Variants in SNX14 observed in about 807,000 individuals in gnomAD.
The protein encoded by SNX14 is sorting nexin 14, also known as sorting nexin-14.
A neutral mutation model predicts 133.8 loss-of-function variants in SNX14; 93 were observed. The observed-to-expected ratio is 0.70, with a 90% CI of 0.59 to 0.83. SNX14 has a LOEUF of 0.83. Ranked by LOEUF, SNX14 falls within the 40% of genes least tolerant of loss-of-function variation. SNX14 has a pLI of 0.00. For missense variants in SNX14, 945 were observed against 1,094.9 expected (o/e 0.86, Z 1.93); for synonymous variants, 368 against 365.6 (o/e 1.01, Z -0.07).
chr6:85,583,443 G>T (rs1201703412), intron 1 of SNX14, among the ~76,000 whole-genome samples: 1 of 152,180 alleles, frequency 6.6e-6, no homozygotes, highest in Non-Finnish European at 1.5e-5. Flanking sequence ...ATTCAAATAG[G>T]AAGAGAGGAA....
At chr6:85,527,925 C>G (rs1038980734) in intron 20 of SNX14, among the ~76,000 whole-genome samples, 3 of 151,976 alleles carry the variant, frequency 2.0e-5, no homozygotes, top group African/African-American at 7.2e-5. Flanking sequence ...AACAAATATT[C>G]TAAGAATACT....
At position 85,508,002 on chromosome 6, in the gene SNX14, A is replaced by C; in HGVS notation, c.2711T>G (p.Phe904Cys). 1 of 1,613,612 alleles carries C rather than the reference A, an allele frequency of 6.2e-7. No homozygotes were observed. Among genetic ancestry groups the C allele is most frequent in the Non-Finnish European group, 8.5e-7 (1 of 1,179,694 alleles). ...GAGTACTGGTTGCTGTAAGCCATCA[A>C]ACAGAAGTCTGATGCTTTCATACTT... ...ETKYESIRLLFDGLQQPVLNK... is the reference protein window; with the variant it reads ...ETKYESIRLLCDGLQQPVLNK... Residue 904 changes from phenylalanine (F) to cysteine (C), a missense_variant, in exon 27 of 29, where the codon TTT (phenylalanine) becomes TGT (cysteine). Phe to Cys is a radical substitution (Grantham distance 205). Transcript: ENST00000314673.
At chr6:85,549,963 T>C (rs1019537139) in intron 7 of SNX14, 84 bp from the exon 8 acceptor site, 4 of 1,251,820 alleles carry the variant, frequency 3.2e-6, no homozygotes, top group Non-Finnish European at 4.4e-6. Flanking sequence ...TAGAAGAGCA[T>C]GGGCTGGGCG....
intron 7 of SNX14, 114 bp downstream of exon 7, chr6:85,557,862 C>T (rs539838735): frequency 1.1e-4 from 76 of 665,292 alleles, no homozygotes; most frequent in South Asian, 1.1e-3. Flanking sequence ...AGAATACTCT[C>T]GCATCAACTG....
At chr6:85,551,747 G>A (rs1787912788) in intron 7 of SNX14, among the ~76,000 whole-genome samples, 1 of 152,138 alleles carries the variant, frequency 6.6e-6, no homozygotes, top group African/African-American at 2.4e-5. Flanking sequence ...TGGCTTCACT[G>A]GTTAAGCTCT....
intron 7 of SNX14, among the ~76,000 whole-genome samples, chr6:85,551,150 T>C (rs1172370113): frequency 1.3e-5 from 2 of 152,186 alleles, no homozygotes; most frequent in Non-Finnish European, 2.9e-5. Flanking sequence ...TATCAAAATA[T>C]GCCCTCAGCC....
rs920265324 is a variant in SNX14 at position 85,533,725 on chromosome 6, G to C, written c.1684C>G (p.Leu562Val). Residue 562 changes from leucine to valine, a missense_variant, in exon 18 of 29, where the codon CTT becomes GTT. Physicochemically the swap from Leu to Val is conservative, Grantham distance 32 (BLOSUM62 1). Transcript: ENST00000314673. ...AVSTPNTPRN[L>V]AAWKISIPYV... ...GGAATGCTAATTTTCCATGCAGCAA[G>C]GTTTCGGGGAGTATTAGGTGTGCTC... 1 of 1,613,836 alleles carries C rather than the reference G, an allele frequency of 6.2e-7. No individual in the cohort carries two copies. Among genetic ancestry groups the C allele is most frequent in the Non-Finnish European group, 8.5e-7 (1 of 1,180,022 alleles).
intron 7 of SNX14, among the ~76,000 whole-genome samples, chr6:85,552,032 CTTTTTTTTTTTTTT>C (rs71551482): frequency 8.8e-6 from 1 of 114,142 alleles, no homozygotes; most frequent in Non-Finnish European, 1.7e-5. Context: ...TGTTGGGAAT[CTTTTTTTTTTTTTT>C]TTTTTTTTGA....
chr6:85,588,575 C>CTAAATAAATAAATAAATAAATAAATAAA (rs145183684), intron 1 of SNX14, among the ~76,000 whole-genome samples: 40 of 149,058 alleles, frequency 2.7e-4, no homozygotes, highest in Non-Finnish European at 4.7e-4. Context: ...GACTCCGTCT[C>CTAAATAAATAAATAAATAAATAAATAAA]TAAATAAATA....
At chr6:85,512,380 T>G (rs1249830901) in intron 26 of SNX14, among the ~76,000 whole-genome samples, 1 of 152,014 alleles carries the variant, frequency 6.6e-6, no homozygotes, top group Non-Finnish European at 1.5e-5. Context: ...CCAGCACTTT[T>G]GAAGGCCGAG....
At chr6:85,543,971 T>C (rs1784690310) in intron 12 of SNX14, among the ~76,000 whole-genome samples, 1 of 151,964 alleles carries the variant, frequency 6.6e-6, no homozygotes, top group Non-Finnish European at 1.5e-5. Flanking sequence ...ATAGAAAATA[T>C]GTAAATACAT....
Position 85,515,336 on chromosome 6 carries a change from T to C in SNX14, c.2269-707A>G, listed in dbSNP as rs552947531. Among the ~76,000 whole-genome samples, 19 of 129,450 alleles carry C rather than the reference T, an allele frequency of 1.5e-4. No individual in the cohort carries two copies. The Admixed American group carries it at 1.5e-3, about 10-fold the overall frequency. 84.9% of individuals were successfully genotyped at this position (129,450 alleles called of 152,430 possible). ...AAATCACTATAAGTAGAGGTAAAAA[T>C]CCAGCGTTAGGTGAAATTTATTTGG... On this transcript the variant is annotated intron_variant, in intron 23 of 28. Transcript: ENST00000314673.
intron 21 of SNX14, among the ~76,000 whole-genome samples, chr6:85,524,543 A>T (rs1246735284): frequency 6.6e-6 from 1 of 152,142 alleles, no homozygotes; most frequent in African/African-American, 2.4e-5. Context: ...GCACTTTGGG[A>T]GGCCAAGGCA....
At chr6:85,575,703 A>C (rs889848074) in intron 1 of SNX14, among the ~76,000 whole-genome samples, 16 of 152,250 alleles carry the variant, frequency 1.1e-4, no homozygotes, top group African/African-American at 3.9e-4. Context: ...ATGCAGCCAG[A>C]CAAAGGTAGT....
Position 85,543,733 on chromosome 6 carries a change from G to A in SNX14, c.1136C>T (p.Pro379Leu), listed in dbSNP as rs781008386. ...CAGCATTTCATCATTTGATAATTCT[G>A]GTCGTAAAATTCTATCATTAAATTC... The part of the protein sequence containing the change: ...VEEFNDRILR[P>L]ELSNDEMLSL... The change falls in exon 13 of 29, where the codon CCA (proline) becomes CTA (leucine). Residue 379 changes from proline (P) to leucine (L), a missense_variant. Around this residue, in one of 3 missense-constraint regions of SNX14, gnomAD observed 514 missense variants for 538.8 expected, o/e 0.95. Transcript: ENST00000314673. 1 of 1,560,058 alleles carries A rather than the reference G, an allele frequency of 6.4e-7. No individual in the cohort carries two copies. Among genetic ancestry groups the A allele is most frequent in the Admixed American group, 1.8e-5 (1 of 54,828 alleles).
At chr6:85,529,974 T>TA (rs1022178632) in intron 19 of SNX14, among the ~76,000 whole-genome samples, 1 of 152,056 alleles carries the variant, frequency 6.6e-6, no homozygotes, top group African/African-American at 2.4e-5. Flanking sequence ...TGATTTTATT[T>TA]AAAAAAAGCA....
chr6:85,529,347 G>A (rs1208589452), intron 19 of SNX14, among the ~76,000 whole-genome samples: 3 of 151,330 alleles, frequency 2.0e-5, no homozygotes, highest in Non-Finnish European at 2.9e-5. Context: ...ACAAGGAAAC[G>A]AAGGAAGAAA....
intron 19 of SNX14, among the ~76,000 whole-genome samples, chr6:85,528,749 T>C (rs73481353): frequency 0.013 from 1,925 of 152,260 alleles, 38 homozygotes; most frequent in African/African-American, 0.044. Flanking sequence ...GTCAATGCTA[T>C]ATAAATGGCT....
intron 21 of SNX14, among the ~76,000 whole-genome samples, chr6:85,519,493 T>C (rs1031145162): frequency 9.9e-5 from 15 of 152,184 alleles, no homozygotes; most frequent in Non-Finnish European, 1.9e-4. Flanking sequence ...CCAGGTGTGC[T>C]GGTGTGTACC....
Sources: gnomAD v4.1 joint callset for allele counts (sites outside exome capture counted in the v4.1 genomes callset) on GRCh38, gnomAD v4.1.1 for gene constraint, gnomAD v4.1.1 regional missense constraint, MANE v1.5 for transcripts, NCBI Gene and HGNC (gene_info 2026-07-23, HGNC 2026-07-21) for gene names.